PAPSS1: variants seen among roughly 807,000 people sequenced by gnomAD.
PAPSS1 encodes the protein bifunctional 3'-phosphoadenosine 5'-phosphosulfate synthase 1.
Under a neutral mutation model 72.0 loss-of-function variants are expected in PAPSS1, and 50 were observed. The observed-to-expected ratio is 0.69, with a 90% CI of 0.55 to 0.88. PAPSS1 has a LOEUF of 0.88. Among genes scored for constraint, PAPSS1 ranks in the 40% least tolerant of loss-of-function variants. The pLI, the probability that PAPSS1 is intolerant of heterozygous loss-of-function variation, is 0.00. For synonymous variants in PAPSS1, 261 were observed against 263.6 expected, an observed-to-expected ratio of 0.99 and a Z score of 0.09; for missense variants, 657 against 782.2, an observed-to-expected ratio of 0.84 and a Z score of 1.91.
At chr4:107,685,006 C>T (rs994599588) in intron 4 of PAPSS1, among the ~76,000 whole-genome samples, 2 of 152,084 alleles carry the variant, frequency 1.3e-5, no homozygotes, top group Admixed American at 6.5e-5. Flanking sequence ...CCTGTGTTCA[C>T]GCCATTCTCC....
At chr4:107,645,725 C>T (rs181306534) in intron 9 of PAPSS1, among the ~76,000 whole-genome samples, 98 of 152,292 alleles carry the variant, frequency 6.4e-4, no homozygotes, top group African/African-American at 1.8e-3. Flanking sequence ...TTCATTCCTA[C>T]GTGGTGCTTG....
In PAPSS1 at chr4:107,654,773, T is replaced by C. The variant is rs367842545; in HGVS notation, c.1023A>G (p.Pro341=). ...CCTCTTTCCTGTGCTCAAAAAACTC[T>C]GGATTGCGAAGAATGGCCACACGGC... ...EGRRVAILRN[P]EFFEHRKEER... is the part of the protein sequence containing the mutation. The change falls in exon 8 of 12, where the codon CCA becomes CCG. Residue 341 remains proline (P), a synonymous_variant. Coordinates refer to ENST00000265174, the MANE Select transcript of PAPSS1 (RefSeq NM_005443.5). The C allele has an allele frequency of 5.0e-6, 8 of 1,614,000 alleles. No homozygotes were observed. Among genetic ancestry groups the C allele is most frequent in the African/African-American group, 4.0e-5 (3 of 75,054 alleles).
chr4:107,615,647 G>A (rs1180964787), intron 11 of PAPSS1, among the ~76,000 whole-genome samples: 13 of 152,104 alleles, frequency 8.5e-5, no homozygotes, highest in African/African-American at 2.7e-4. Context: ...GTCCTGAGTC[G>A]AATATTACAT....
chr4:107,680,572 C>T (rs964588846), intron 5 of PAPSS1, among the ~76,000 whole-genome samples: 4 of 152,148 alleles, frequency 2.6e-5, no homozygotes, highest in African/African-American at 9.7e-5. Flanking sequence ...AGGAGTTAAA[C>T]ACTCTTATGT....
At position 107,631,637 on chromosome 4, in the gene PAPSS1, G is replaced by C. The variant is rs1726227265; in HGVS notation, c.1730C>G (p.Ser577Cys). 2.6e-5 allele frequency: 42 copies of C among 1,605,558 alleles called. No homozygotes were observed. The highest frequency in any genetic ancestry group is 3.6e-5 in the Non-Finnish European group (42 of 1,172,336). ...CAGAGAATGTAAGACTTACTGTTCA[G>C]AGTCATAGTAGTCCATACGCTTCTT... ...KKKKRMDYYD[S>C]EHHEDFEFIS... Residue 577 changes from serine (S) to cysteine (C), a missense_variant, in exon 11 of 12, where the codon TCT becomes TGT. By Grantham distance (112) the Ser-to-Cys change is moderately radical (BLOSUM62 -1). Around this residue, in one of 7 missense-constraint regions of PAPSS1, gnomAD observed 103 missense variants for 93.8 expected, o/e 1.10. Transcript: ENST00000265174.
chr4:107,715,976 G>C (rs549035121), intron 1 of PAPSS1, among the ~76,000 whole-genome samples: 2 of 152,228 alleles, frequency 1.3e-5, no homozygotes, highest in African/African-American at 4.8e-5. Context: ...CAGATGGTAA[G>C]TGACAAAACC....
chr4:107,624,135 C>A (rs778450725), intron 11 of PAPSS1, among the ~76,000 whole-genome samples: 1 of 152,164 alleles, frequency 6.6e-6, no homozygotes, highest in African/African-American at 2.4e-5. Flanking sequence ...CTCTGTTTAA[C>A]CCTCTATGAT....
intron 2 of PAPSS1, among the ~76,000 whole-genome samples, chr4:107,698,482 G>A (rs774113119): frequency 7.2e-5 from 11 of 152,098 alleles, no homozygotes; most frequent in Non-Finnish European, 1.5e-4. Flanking sequence ...CACCACATCC[G>A]AACAAGTGAA....
At chr4:107,626,210 A>G (rs1426904920) in intron 11 of PAPSS1, among the ~76,000 whole-genome samples, 1 of 151,356 alleles carries the variant, frequency 6.6e-6, no homozygotes, top group East Asian at 1.9e-4. Context: ...CTCTGGCATC[A>G]AAAACATGAA....
chr4:107,658,724 T>C (rs182316265), intron 6 of PAPSS1, among the ~76,000 whole-genome samples: 119 of 152,250 alleles, frequency 7.8e-4, no homozygotes, highest in African/African-American at 2.6e-3. Flanking sequence ...TTTTTTTTTT[T>C]CCAAAACCTT....
chr4:107,701,311 C>G (rs1723200699), intron 1 of PAPSS1, 26 bp from the exon 2 acceptor site: 1 of 1,490,886 alleles, frequency 6.7e-7, no homozygotes, highest in African/African-American at 1.4e-5. Flanking sequence ...AAAAAAAATT[C>G]TAGTTTACAT....
At chr4:107,715,229 A>G (rs1723603078) in intron 1 of PAPSS1, among the ~76,000 whole-genome samples, 1 of 152,236 alleles carries the variant, frequency 6.6e-6, no homozygotes, top group Non-Finnish European at 1.5e-5. Context: ...TTCAGTTGCC[A>G]CAAGTGGATC....
intron 9 of PAPSS1, among the ~76,000 whole-genome samples, chr4:107,649,679 C>G (rs1726787094): frequency 6.6e-6 from 1 of 152,216 alleles, no homozygotes; most frequent in South Asian, 2.1e-4. Flanking sequence ...CTCAACTTTA[C>G]TTAAAACATT....
intron 2 of PAPSS1, among the ~76,000 whole-genome samples, chr4:107,698,980 C>T (rs1267405451): frequency 6.6e-6 from 1 of 151,956 alleles, no homozygotes; most frequent in Non-Finnish European, 1.5e-5. Context: ...CTAGCCATCC[C>T]GTCCCAATTG....
intron 9 of PAPSS1, among the ~76,000 whole-genome samples, chr4:107,646,576 G>A (rs1280652051): frequency 6.6e-6 from 1 of 152,070 alleles, no homozygotes; most frequent in Non-Finnish European, 1.5e-5. Context: ...CCATTAAGAA[G>A]GGAAGTGCTC....
chr4:107,695,818 T>C (rs1207521488), intron 2 of PAPSS1, among the ~76,000 whole-genome samples: 1 of 152,194 alleles, frequency 6.6e-6, no homozygotes, highest in Non-Finnish European at 1.5e-5. Flanking sequence ...GAGAAAATTT[T>C]TGCAATCTAC....
chr4:107,689,815 A>C (rs543521755), intron 3 of PAPSS1, among the ~76,000 whole-genome samples: 10 of 152,324 alleles, frequency 6.6e-5, no homozygotes, highest in African/African-American at 1.9e-4. Flanking sequence ...TAACTCCACT[A>C]GCACTTCAAA....
chr4:107,656,623 A>G (rs1727018067), intron 7 of PAPSS1, among the ~76,000 whole-genome samples: 1 of 152,172 alleles, frequency 6.6e-6, no homozygotes, highest in Non-Finnish European at 1.5e-5. Flanking sequence ...AAAACAGCAC[A>G]GAATAACTGT....
At chr4:107,667,404 G>A (rs991507343) in intron 5 of PAPSS1, among the ~76,000 whole-genome samples, 2 of 152,160 alleles carry the variant, frequency 1.3e-5, no homozygotes, top group East Asian at 3.9e-4. Context: ...TGTGGGGACA[G>A]GGTAGGGAGG....
Sources: gnomAD v4.1 joint callset for allele counts (sites outside exome capture counted in the v4.1 genomes callset) on GRCh38, gnomAD v4.1.1 for gene constraint, gnomAD v4.1.1 regional missense constraint, MANE v1.5 for transcripts, NCBI Gene and HGNC (gene_info 2026-07-23, HGNC 2026-07-21) for gene names.